The following LUZP2 variants were observed in gnomAD, a reference collection of about 807,000 sequenced individuals.
LUZP2 encodes leucine zipper protein 2.
In LUZP2, 52 loss-of-function variants were observed where a neutral mutation model predicts 51.6. That is an observed-to-expected ratio of 1.01 (90% confidence interval 0.81 to 1.27). The LOEUF (loss-of-function observed/expected upper bound fraction) is 1.27, where lower values mean the gene tolerates loss of function less well. LUZP2 is among the 50% of genes most tolerant of loss of function. The probability of loss-of-function intolerance (pLI) is 0.00; values close to 1 mark genes in which losing one functional copy is unlikely to be tolerated. For synonymous variants in LUZP2, 154 were observed against 137.3 expected, an observed-to-expected ratio of 1.12 and a Z score of -0.85; for missense variants, 436 against 395.4, an observed-to-expected ratio of 1.10 and a Z score of -0.87.
At position 24,899,035 on chromosome 11, in the gene LUZP2, T is replaced by G. The variant is rs149148347; in HGVS notation, c.397-6956T>G. 4.0e-4 allele frequency among the ~76,000 whole-genome samples: 61 copies of G among 152,306 alleles called. 3 individuals carry two copies. In the East Asian group the frequency reaches 0.012, roughly 29 times the overall value. On this transcript the variant is annotated intron_variant, in intron 5 of 11. Transcript: ENST00000336930. The stretch of plus-strand genomic sequence containing the variant: ...AAATAACATACGCATATTGGCAATT[T>G]TCTTTCACTTTATCTAAACTAGATA...
chr11:24,794,682 T>G (rs1388752526), intron 5 of LUZP2, among the ~76,000 whole-genome samples: 1 of 152,156 alleles, frequency 6.6e-6, no homozygotes, highest in East Asian at 1.9e-4. Context: ...GGTGTTCTTT[T>G]GCTGATTGTG....
chr11:24,646,202 A>C (rs1855453991), intron 1 of LUZP2, among the ~76,000 whole-genome samples: 1 of 152,098 alleles, frequency 6.6e-6, no homozygotes. Flanking sequence ...GTTTATGTAC[A>C]CTGGGCAGAA....
chr11:25,053,049 C>T (rs1858569451), intron 10 of LUZP2, among the ~76,000 whole-genome samples: 1 of 151,966 alleles, frequency 6.6e-6, no homozygotes, highest in Non-Finnish European at 1.5e-5. Flanking sequence ...ACTGAATCAG[C>T]AAATTTTAAA....
chr11:24,956,142 A>G (rs368445862), intron 7 of LUZP2, among the ~76,000 whole-genome samples: 18 of 152,150 alleles, frequency 1.2e-4, no homozygotes, highest in African/African-American at 3.9e-4. Context: ...AACAGAGATC[A>G]TATGTGTGGG....
intron 10 of LUZP2, among the ~76,000 whole-genome samples, chr11:25,069,639 A>G (rs967693858): frequency 2.6e-5 from 4 of 151,884 alleles, no homozygotes; most frequent in Non-Finnish European, 4.4e-5. Context: ...AAAGTTAACA[A>G]AAGGAAAATA....
chr11:24,628,054 T>C (rs1854744933), intron 1 of LUZP2, among the ~76,000 whole-genome samples: 1 of 152,156 alleles, frequency 6.6e-6, no homozygotes, highest in African/African-American at 2.4e-5. Context: ...AATTCATCCA[T>C]GATGAAGCAG....
intron 5 of LUZP2, among the ~76,000 whole-genome samples, chr11:24,809,862 C>T (rs1849966711): frequency 1.3e-5 from 2 of 152,040 alleles, no homozygotes; most frequent in South Asian, 4.1e-4. Flanking sequence ...TAAATGAAAA[C>T]TTTACTCACT....
intron 7 of LUZP2, among the ~76,000 whole-genome samples, chr11:24,963,361 C>T (rs993048332): frequency 2.6e-5 from 4 of 152,296 alleles, no homozygotes; most frequent in East Asian, 3.9e-4. Context: ...GTGCCCTGCC[C>T]CCAGAGGTGG....
chr11:24,810,036 T>C (rs996627918), intron 5 of LUZP2, among the ~76,000 whole-genome samples: 3 of 152,190 alleles, frequency 2.0e-5, no homozygotes, highest in African/African-American at 2.4e-5. Flanking sequence ...TCAACCTGCA[T>C]GTAACTGCAG....
At chr11:24,529,648 T>C (rs924207421) in intron 1 of LUZP2, among the ~76,000 whole-genome samples, 1 of 151,050 alleles carries the variant, frequency 6.6e-6, no homozygotes, top group Non-Finnish European at 1.5e-5. Flanking sequence ...AAATATTTTG[T>C]TTAAGGTCAC....
chr11:24,634,316 C>A (rs1158606629), intron 1 of LUZP2, among the ~76,000 whole-genome samples: 1 of 151,960 alleles, frequency 6.6e-6, no homozygotes, highest in South Asian at 2.1e-4. Context: ...GTAATGTATA[C>A]CATAATCAGA....
At chr11:24,857,288 T>TAC (rs1413406718) in intron 5 of LUZP2, among the ~76,000 whole-genome samples, 5 of 79,500 alleles carry the variant, frequency 6.3e-5, no homozygotes, top group Non-Finnish European at 1.3e-4. Context: ...TATATATATA[T>TAC]ACATATATAT....
chr11:24,670,093 A>G (rs1238785387), intron 1 of LUZP2, among the ~76,000 whole-genome samples: 1 of 152,028 alleles, frequency 6.6e-6, no homozygotes, highest in Non-Finnish European at 1.5e-5. Context: ...AAGGAGTATA[A>G]TGTAGTCTAG....
chr11:25,045,644 G>T (rs1590872075), intron 9 of LUZP2, among the ~76,000 whole-genome samples: 1 of 152,068 alleles, frequency 6.6e-6, no homozygotes, highest in African/African-American at 2.4e-5. Flanking sequence ...GGATCCATCT[G>T]CTACATAGTT....
At chr11:24,593,598 G>T (rs187594126) in intron 1 of LUZP2, among the ~76,000 whole-genome samples, 42 of 152,220 alleles carry the variant, frequency 2.8e-4, no homozygotes, top group Non-Finnish European at 4.9e-4. Context: ...ACATGTCCTG[G>T]CAACCCTCAC....
chr11:24,993,124 A>G (rs775598553), intron 9 of LUZP2, among the ~76,000 whole-genome samples: 4 of 152,166 alleles, frequency 2.6e-5, no homozygotes, highest in Non-Finnish European at 5.9e-5. Context: ...AATTAGAAAC[A>G]TGGTAAATTG....
At chr11:24,992,334 T>C (rs963433283) in intron 9 of LUZP2, among the ~76,000 whole-genome samples, 1 of 152,100 alleles carries the variant, frequency 6.6e-6, no homozygotes, top group Non-Finnish European at 1.5e-5. Context: ...TTGGAAAAGA[T>C]AATTGTGTGT....
At chr11:24,871,271 G>T (rs1852062393) in intron 5 of LUZP2, among the ~76,000 whole-genome samples, 1 of 151,834 alleles carries the variant, frequency 6.6e-6, no homozygotes, top group African/African-American at 2.4e-5. Context: ...AATTACTTTT[G>T]TCACTAATGA....
At chr11:24,501,136 C>T (rs559975724) in intron 1 of LUZP2, among the ~76,000 whole-genome samples, 87 of 152,318 alleles carry the variant, frequency 5.7e-4, no homozygotes, top group African/African-American at 1.8e-3. Flanking sequence ...ATGCTACCTA[C>T]GTTCCTTTAT....
Sources: gnomAD v4.1 joint callset for allele counts (sites outside exome capture counted in the v4.1 genomes callset) on GRCh38, gnomAD v4.1.1 for gene constraint, MANE v1.5 for transcripts, NCBI Gene and HGNC (gene_info 2026-07-23, HGNC 2026-07-21) for gene names.